SEMA4F: variants seen among roughly 807,000 people sequenced by gnomAD.
SEMA4F encodes the protein semaphorin-4F.
Under a neutral mutation model 78.4 loss-of-function variants are expected in SEMA4F, and 51 were observed. The ratio of observed to expected loss-of-function variants is 0.65; its 90% CI spans 0.52 to 0.82. The LOEUF (loss-of-function observed/expected upper bound fraction) is 0.82, where lower values mean the gene tolerates loss of function less well. SEMA4F is among the 40% of genes least tolerant of loss of function. The pLI is 0.00. For synonymous variants in SEMA4F, 418 were observed against 408.7 expected (o/e 1.02, Z -0.27); for missense variants, 938 against 1,014.4 (o/e 0.92, Z 1.02).
In SEMA4F at chr2:74,673,416, G is replaced by C. The variant is rs992246993; in HGVS notation, c.551-41G>C. Reference sequence around the variant, plus strand: ...CCTGTGACCTCTGTTGCTTCCCTCAGTGGGTCCCTGATAGCCCATCTCCTC... The same window carrying C: ...CCTGTGACCTCTGTTGCTTCCCTCACTGGGTCCCTGATAGCCCATCTCCTC... On this transcript the variant is annotated intron_variant, in intron 5 of 13. Transcript: ENST00000357877. 2.5e-6 allele frequency: 4 copies of C among 1,611,048 alleles called. No homozygotes were observed. The African/African-American group carries it at 4.0e-5, about 16-fold the overall frequency.
chr2:74,704,615 AAGTAATTATT>A, the SEMA4F span, among the ~76,000 whole-genome samples: 1 of 152,028 alleles, frequency 6.6e-6, no homozygotes, highest in Non-Finnish European at 1.5e-5. Flanking sequence ...AGATGAGGAA[AAGTAATTATT>A]AGGGGACAAA....
chr2:74,660,974 C>T (rs1684398645), intron 4 of SEMA4F, among the ~76,000 whole-genome samples: 1 of 152,028 alleles, frequency 6.6e-6, no homozygotes, highest in South Asian at 2.1e-4. Flanking sequence ...AAGGTGGATT[C>T]TTAGGATACA....
chr2:74,656,182 G>T (rs919389063), intron 1 of SEMA4F, among the ~76,000 whole-genome samples: 1 of 151,740 alleles, frequency 6.6e-6, no homozygotes, highest in Non-Finnish European at 1.5e-5. Context: ...CTAATTTTTT[G>T]TATTTTTAGT....
At chr2:74,684,518 T>C (rs115176759), downstream of SEMA4F, among the ~76,000 whole-genome samples, 692 of 152,260 alleles carry the variant, frequency 4.5e-3, 6 homozygotes, top group African/African-American at 0.016. Context: ...TGGCTAACCA[T>C]AGGTAGGCAC....
At chr2:74,672,962 A>C (rs1484190047) in intron 5 of SEMA4F, among the ~76,000 whole-genome samples, 2 of 152,208 alleles carry the variant, frequency 1.3e-5, no homozygotes, top group Admixed American at 6.5e-5. Flanking sequence ...CACTTCCCCA[A>C]GTGAGTCTAG....
chr2:74,705,976 T>C, the SEMA4F span, among the ~76,000 whole-genome samples: 11 of 151,246 alleles, frequency 7.3e-5, no homozygotes, highest in Non-Finnish European at 1.5e-4. Context: ...TTTTTTTGTA[T>C]ATTTTCTGAT....
chr2:74,706,984 C>T, the SEMA4F span, among the ~76,000 whole-genome samples: 4 of 152,166 alleles, frequency 2.6e-5, no homozygotes. Flanking sequence ...TACCTGGAAG[C>T]AGAACAAGGC....
chr2:74,692,008 G>T, the SEMA4F span, among the ~76,000 whole-genome samples: 1 of 152,198 alleles, frequency 6.6e-6, no homozygotes, highest in East Asian at 1.9e-4. Context: ...CCCTCCGATG[G>T]TGTGGTGGGC....
the SEMA4F span, among the ~76,000 whole-genome samples, chr2:74,707,139 G>C: frequency 6.6e-6 from 1 of 152,128 alleles, no homozygotes; most frequent in Non-Finnish European, 1.5e-5. Flanking sequence ...TTACTATAAA[G>C]TACATTGGCA....
chr2:74,700,502 G>T, the SEMA4F span, among the ~76,000 whole-genome samples: 2 of 152,104 alleles, frequency 1.3e-5, no homozygotes, highest in Non-Finnish European at 1.5e-5. Context: ...CTTCAGCCTC[G>T]CAGGCTAGAT....
chr2:74,673,800 A>G lies in SEMA4F; in HGVS notation c.794A>G (p.Lys265Arg). 1.9e-6 allele frequency: 3 copies of G among 1,614,132 alleles called. No homozygotes were observed. The highest frequency in any genetic ancestry group is 2.5e-6 in the Non-Finnish European group (3 of 1,180,012). ...SRAFDSYERI[K>R]VPRVARVCAG... ...GCATTTGACTCATACGAGCGCATTA[A>G]AGTCCCACGGGTGGCCCGTGTGTGT... The change falls in exon 7 of 14, where the codon AAA (lysine) becomes AGA (arginine). Residue 265 changes from lysine (K) to arginine (R), a missense_variant. By Grantham distance (26) the Lys-to-Arg change is conservative. Coordinates refer to ENST00000357877, the MANE Select transcript of SEMA4F (RefSeq NM_004263.5).
chr2:74,692,248 C>T, the SEMA4F span, among the ~76,000 whole-genome samples: 94 of 152,270 alleles, frequency 6.2e-4, no homozygotes, highest in African/African-American at 2.2e-3. Context: ...CAGCTTGTGC[C>T]AGGCAATGTG....
At chr2:74,662,092 GA>G (rs1423038704) in intron 4 of SEMA4F, among the ~76,000 whole-genome samples, 1 of 150,594 alleles carries the variant, frequency 6.6e-6, no homozygotes, top group African/African-American at 2.5e-5. Flanking sequence ...CCTGGGTGAG[GA>G]AGGTACTTAC....
In SEMA4F at chr2:74,675,399, C is replaced by G; in HGVS notation, c.1372+15C>G. 1 of 1,610,110 alleles carries G rather than the reference C, an allele frequency of 6.2e-7. No individual in the cohort carries two copies. The highest frequency in any genetic ancestry group is 8.5e-7 in the Non-Finnish European group (1 of 1,177,112). ...CCTGGGGACAGGTATATTTAATGGTCAAGCAGGCTGCCTACCTAGTGCATA... is the reference window on the plus strand; with the variant it reads ...CCTGGGGACAGGTATATTTAATGGTGAAGCAGGCTGCCTACCTAGTGCATA... On this transcript the variant is annotated intron_variant, in intron 10 of 13. Transcript: ENST00000357877.
chr2:74,701,764 T>C, the SEMA4F span, among the ~76,000 whole-genome samples: 1 of 152,206 alleles, frequency 6.6e-6, no homozygotes, highest in Non-Finnish European at 1.5e-5. Context: ...TTGTCACTTG[T>C]TTCAGTTTAG....
chr2:74,656,577 C>T lies in SEMA4F; in HGVS notation c.189C>T (p.Tyr63=). ...CLTRFAVPHT[Y]NYSVLLVDPA... ...CCCGGTTCGCAGTCCCTCACACATA[C>T]AATTACTCTGTTCTCCTTGTGGATC... Residue 63 remains tyrosine, a synonymous_variant, in exon 2 of 14, where the codon TAC becomes TAT. Coordinates refer to ENST00000357877, the MANE Select transcript of SEMA4F (RefSeq NM_004263.5). The T allele has an allele frequency of 6.2e-7, 1 of 1,614,184 alleles. No homozygotes were observed. The highest frequency in any genetic ancestry group is 1.7e-5 in the Admixed American group (1 of 60,034).
intron 5 of SEMA4F, among the ~76,000 whole-genome samples, chr2:74,665,628 C>G (rs190417185): frequency 6.6e-6 from 1 of 151,998 alleles, no homozygotes; most frequent in Non-Finnish European, 1.5e-5. Context: ...TGACTAAATA[C>G]AATATTTTGA....
Position 74,654,350 on chromosome 2 carries a change from C to G in SEMA4F, c.-27C>G, listed in dbSNP as rs1012315370. On this transcript the variant is annotated 5_prime_UTR_variant, in exon 1 of 14. Transcript: ENST00000357877. ...CCTGAGCAGAGGCCGTAGCTTGCGCCGCACCCGCGGCCAGGCGGAGCCAAA... is the reference window on the plus strand; with the variant it reads ...CCTGAGCAGAGGCCGTAGCTTGCGCGGCACCCGCGGCCAGGCGGAGCCAAA... 12 of 1,459,460 alleles carry G rather than the reference C, an allele frequency of 8.2e-6. No individual in the cohort carries two copies. The African/African-American group carries it at 8.9e-5, about 11-fold the overall frequency. 90.4% of individuals were successfully genotyped at this position (1,459,460 alleles called of 1,614,324 possible). A position where few individuals can be genotyped will look rare whatever the true frequency, so the allele number is the denominator to read the frequency against.
intron 1 of SEMA4F, among the ~76,000 whole-genome samples, chr2:74,654,917 G>A (rs1573219720): frequency 2.6e-5 from 4 of 152,274 alleles, no homozygotes; most frequent in African/African-American, 7.2e-5. Flanking sequence ...CTGTTTCCCC[G>A]CACATACACC....
Sources: gnomAD v4.1 joint callset for allele counts (sites outside exome capture counted in the v4.1 genomes callset) on GRCh38, gnomAD v4.1.1 for gene constraint, MANE v1.5 for transcripts, NCBI Gene and HGNC (gene_info 2026-07-23, HGNC 2026-07-21) for gene names.